The following NIPAL3 variants were observed in gnomAD, a reference collection of about 807,000 sequenced individuals.
NIPAL3 encodes the protein NIPA-like protein 3.
NIPAL3 carries 41 observed loss-of-function variants against 47.2 expected under a neutral mutation model. The observed-to-expected ratio is 0.87, with a 90% CI of 0.68 to 1.13. NIPAL3 has a LOEUF of 1.13. NIPAL3 is among the 50% of genes most tolerant of loss of function. NIPAL3 has a pLI of 0.00. For missense variants in NIPAL3, 449 were observed against 530.1 expected (o/e 0.85, Z 1.50); for synonymous variants, 194 against 209.6 (o/e 0.93, Z 0.64).
chr1:24,460,444 A>G, intron 9 of NIPAL3, 37 bp from the exon 10 acceptor site: 1 of 1,554,158 alleles, frequency 6.4e-7, no homozygotes, highest in Non-Finnish European at 8.7e-7. Flanking sequence ...TGATTTGAAA[A>G]CAGCTCAGCG....
At chr1:24,424,502 G>A (rs79106262) in intron 2 of NIPAL3, among the ~76,000 whole-genome samples, 2,459 of 152,322 alleles carry the variant, frequency 0.016, 31 homozygotes, top group Non-Finnish European at 0.026. Flanking sequence ...TTAATTCTGC[G>A]TGGGGATGGG....
chr1:24,448,774 C>T (rs1337724227), intron 5 of NIPAL3, among the ~76,000 whole-genome samples: 1 of 152,114 alleles, frequency 6.6e-6, no homozygotes, highest in Non-Finnish European at 1.5e-5. Context: ...TGAACATCCA[C>T]ATATCCTATG....
At chr1:24,436,033 A>G (rs1645088394) in intron 2 of NIPAL3, among the ~76,000 whole-genome samples, 1 of 152,162 alleles carries the variant, frequency 6.6e-6, no homozygotes, top group Admixed American at 6.5e-5. Context: ...GGCCTCTTTT[A>G]TAAGAACACT....
chr1:24,430,608 A>C (rs1644835425), intron 2 of NIPAL3, among the ~76,000 whole-genome samples: 1 of 152,216 alleles, frequency 6.6e-6, no homozygotes, highest in Non-Finnish European at 1.5e-5. Flanking sequence ...TCACATCATG[A>C]TAAACTATTT....
intron 5 of NIPAL3, among the ~76,000 whole-genome samples, chr1:24,446,098 G>C (rs1214226835): frequency 6.6e-6 from 1 of 151,620 alleles, no homozygotes; most frequent in East Asian, 1.9e-4. Context: ...GTGTGTGTGT[G>C]TGTGTGTGTT....
rs1372282350 is a variant in NIPAL3 at position 24,454,385 on chromosome 1, A to G, written c.637+881A>G. 3.8e-6 allele frequency: 4 copies of G among 1,041,816 alleles called. No individual in the cohort carries two copies. Among genetic ancestry groups the G allele is most frequent in the Middle Eastern group, 4.7e-4 (1 of 2,150 alleles). 64.5% of individuals were successfully genotyped at this position (1,041,816 alleles called of 1,614,324 possible). A position where few individuals can be genotyped will look rare whatever the true frequency, so the allele number is the denominator to read the frequency against. On this transcript the variant is annotated intron_variant, in intron 7 of 11. Coordinates refer to ENST00000374399, the MANE Select transcript of NIPAL3 (RefSeq NM_020448.5). This position sits in a 1 kb window ranked among gnomAD's most constrained non-coding sequence, Gnocchi z 4.1. Reference sequence around the variant, plus strand: ...GTCCACTTCTCTAAAGGGGGGGCCTATGAGAACATCCAAGTCACGGAAGGG... The same window carrying G: ...GTCCACTTCTCTAAAGGGGGGGCCTGTGAGAACATCCAAGTCACGGAAGGG...
At chr1:24,426,083 C>T (rs2281184) in intron 2 of NIPAL3, among the ~76,000 whole-genome samples, 1 of 152,058 alleles carries the variant, frequency 6.6e-6, no homozygotes, top group Non-Finnish European at 1.5e-5. Context: ...TTACCTGTGA[C>T]GAAACTGGCG....
chr1:24,419,778 A>G (rs1644237970), intron 2 of NIPAL3, 138 bp downstream of exon 2: 12 of 741,012 alleles, frequency 1.6e-5, no homozygotes, highest in Non-Finnish European at 2.5e-5. Context: ...CACACAGACA[A>G]GGGAATGTGT....
chr1:24,460,251 C>G (rs1016619797), intron 9 of NIPAL3, among the ~76,000 whole-genome samples: 2 of 152,062 alleles, frequency 1.3e-5, no homozygotes, highest in Non-Finnish European at 2.9e-5. Flanking sequence ...ATATTATCCC[C>G]CAATAAAAGT....
At chr1:24,423,595 A>G (rs571380834) in intron 2 of NIPAL3, among the ~76,000 whole-genome samples, 70 of 152,164 alleles carry the variant, frequency 4.6e-4, no homozygotes, top group African/African-American at 1.6e-3. Flanking sequence ...GCACCACTGC[A>G]CTCCAGCCTG....
At chr1:24,419,829 C>T (rs1046637843) in intron 2 of NIPAL3, 189 bp downstream of exon 2, 3 of 531,068 alleles carry the variant, frequency 5.6e-6, no homozygotes, top group Admixed American at 3.2e-5. Context: ...GTGGCTCACA[C>T]CTGTAATCCC....
At chr1:24,436,653 T>TAA (rs111918385) in intron 2 of NIPAL3, among the ~76,000 whole-genome samples, 17,974 of 151,744 alleles carry the variant, frequency 0.12, 3,463 homozygotes, top group African/African-American at 0.4. Flanking sequence ...CACGCCCAGA[T>TAA]AATTTTTGGG....
rs1255479894 is a variant in NIPAL3, at chr1:24,472,651, C to T, written c.*3466C>T. The T allele has an allele frequency of 6.6e-6, 1 of 152,116 alleles. No homozygotes were observed. Among genetic ancestry groups the T allele is most frequent in the East Asian group, 1.9e-4 (1 of 5,196 alleles). 9.4% of individuals were successfully genotyped at this position (152,116 alleles called of 1,614,324 possible). On this transcript the variant is annotated 3_prime_UTR_variant, in exon 12 of 12. Coordinates refer to ENST00000374399, the MANE Select transcript of NIPAL3 (RefSeq NM_020448.5). ...CGCTGGGTAAAGAAGGGAGAGCTGA[C>T]TCTCCATTGCTTTTCTAGTGGAAAC...
At chr1:24,460,572 A>C in intron 10 of NIPAL3, 28 bp downstream of exon 10, 1 of 1,536,454 alleles carries the variant, frequency 6.5e-7, no homozygotes, top group Non-Finnish European at 8.7e-7. Flanking sequence ...TGCCAGCCCC[A>C]AAACATTGTG....
intron 1 of NIPAL3, among the ~76,000 whole-genome samples, chr1:24,417,113 C>A (rs6694932): frequency 0.12 from 18,201 of 152,074 alleles, 1,182 homozygotes; most frequent in African/African-American, 0.16. Context: ...TTCTTGACTG[C>A]GAAGGGGCCA....
intron 3 of NIPAL3, 55 bp from the exon 4 acceptor site, chr1:24,442,000 T>G: frequency 6.3e-7 from 1 of 1,580,964 alleles, no homozygotes; most frequent in South Asian, 1.1e-5. Context: ...ACCTACATCA[T>G]AGCATTTTTT....
intron 8 of NIPAL3, among the ~76,000 whole-genome samples, chr1:24,458,365 ATTG>A (rs1220432350): frequency 6.6e-6 from 1 of 152,140 alleles, no homozygotes; most frequent in Non-Finnish European, 1.5e-5. Flanking sequence ...AAACAAGGGT[ATTG>A]TTTATCATAG....
In NIPAL3 at chr1:24,419,660, TTGGGAATTTGTA is replaced by T; in HGVS notation, c.93+22_93+33del. 6.2e-7 allele frequency: 1 copy of T among 1,607,554 alleles called. No individual in the cohort carries two copies. On this transcript the variant is annotated intron_variant, in intron 2 of 11. Transcript: ENST00000374399. ...TACAAGGCAAGGGCTTTTTTGGGGT[TTGGGAATTTGTA>T]TTTTCCTAGCAAGGAAGTTACACAG...
chr1:24,446,638 G>A (rs6700914), intron 5 of NIPAL3, among the ~76,000 whole-genome samples: 13,754 of 152,194 alleles, frequency 0.09, 1,953 homozygotes, highest in African/African-American at 0.3. Flanking sequence ...ATTCCATGGT[G>A]TATACGTACC....
Sources: allele counts gnomAD v4.1 joint callset (sites outside exome capture counted in the v4.1 genomes callset), GRCh38; gene constraint gnomAD v4.1.1; non-coding constraint Gnocchi (gnomAD v3.1); transcripts MANE v1.5; gene names NCBI Gene and HGNC (gene_info 2026-07-23, HGNC 2026-07-21).